The following OPRM1 variants were observed in gnomAD, a reference collection of about 807,000 sequenced individuals.
OPRM1 encodes the protein mu-type opioid receptor.
In OPRM1, 27 loss-of-function variants were observed where a neutral mutation model predicts 31.8. That is an observed-to-expected ratio of 0.85 (90% confidence interval 0.63 to 1.17). OPRM1 has a LOEUF of 1.17. Among genes scored for constraint, OPRM1 ranks in the 50% most tolerant of loss-of-function variants. The pLI, the probability that OPRM1 is intolerant of heterozygous loss-of-function variation, is 0.00. For missense variants in OPRM1, 536 were observed against 511.1 expected, an observed-to-expected ratio of 1.05 and a Z score of -0.47; for synonymous variants, 196 against 189.9, an observed-to-expected ratio of 1.03 and a Z score of -0.26.
chr6:154,192,992 A>G (rs1054363466), intron 3 of OPRM1, among the ~76,000 whole-genome samples: 3 of 152,176 alleles, frequency 2.0e-5, no homozygotes, highest in Non-Finnish European at 4.4e-5. Context: ...CAGAACTACA[A>G]TTTGATCCAG....
At chr6:154,239,266 C>T (rs562362208) in intron 3 of OPRM1, among the ~76,000 whole-genome samples, 1 of 152,286 alleles carries the variant, frequency 6.6e-6, no homozygotes, top group South Asian at 2.1e-4. Context: ...CCCATCCCAA[C>T]TACAGATAAT....
At chr6:154,043,559 TCACA>T (rs1780510534) in intron 1 of OPRM1, among the ~76,000 whole-genome samples, 1 of 151,258 alleles carries the variant, frequency 6.6e-6, no homozygotes, top group African/African-American at 2.4e-5. Flanking sequence ...ATATATAAAT[TCACA>T]CACACACATA....
At chr6:154,100,942 A>T (rs1249983170) in intron 3 of OPRM1, among the ~76,000 whole-genome samples, 1 of 148,592 alleles carries the variant, frequency 6.7e-6, no homozygotes, top group African/African-American at 2.4e-5. Flanking sequence ...TATATATATA[A>T]ATATATATAC....
At chr6:154,201,804 A>G (rs945993952) in intron 3 of OPRM1, among the ~76,000 whole-genome samples, 73 of 152,222 alleles carry the variant, frequency 4.8e-4, no homozygotes, top group African/African-American at 1.6e-3. Context: ...CTGAGGCAGG[A>G]GAATCACTTG....
downstream of OPRM1, among the ~76,000 whole-genome samples, chr6:154,133,598 C>T (rs1048113506): frequency 2.0e-5 from 3 of 152,178 alleles, no homozygotes; most frequent in African/African-American, 4.8e-5. Flanking sequence ...CTTTACCAGT[C>T]TACCCTCCTT....
downstream of OPRM1, among the ~76,000 whole-genome samples, chr6:154,133,985 T>C (rs1196327337): frequency 6.6e-6 from 1 of 152,274 alleles, no homozygotes; most frequent in Non-Finnish European, 1.5e-5. Context: ...GTTTGAAAGC[T>C]GAGCAATGGA....
At position 154,130,176 on chromosome 6, in the gene OPRM1, T is replaced by TC. The variant is rs1797814265; in HGVS notation, c.*11455_*11456insC. ...ATGGAAATGTTTAAATTTTCTTTTT[T>TC]TTTTTTTTTTTTGATGGAGTCTCAC... is the stretch of plus-strand genomic sequence containing the variant. On this transcript the variant is annotated 3_prime_UTR_variant, in exon 4 of 4. Coordinates refer to ENST00000330432, the MANE Select transcript of OPRM1 (RefSeq NM_000914.5). 2.7e-5 allele frequency among the ~76,000 whole-genome samples: 4 copies of TC among 150,674 alleles called. No homozygotes were observed. The highest frequency in any genetic ancestry group is 1.9e-4 in the East Asian group (1 of 5,180).
chr6:154,085,654 T>C (rs1429465152), intron 1 of OPRM1, among the ~76,000 whole-genome samples: 1 of 152,094 alleles, frequency 6.6e-6, no homozygotes, highest in Non-Finnish European at 1.5e-5. Flanking sequence ...TACAAAGCAG[T>C]AGGCATGGAG....
At chr6:154,039,171 A>G (rs572650799), upstream of OPRM1, 13 of 1,551,504 alleles carry the variant, frequency 8.4e-6, no homozygotes, top group African/African-American at 1.8e-4. Context: ...ATGTGTTTGC[A>G]CAGAAGAGTG....
At chr6:154,152,347 G>GAAAGAAAGAAAGGAAAGAAAGAAAGAAA in intron 3 of OPRM1, among the ~76,000 whole-genome samples, 1 of 65,196 alleles carries the variant, frequency 1.5e-5, no homozygotes, top group Admixed American at 2.0e-4. Context: ...AAGAAAGAAA[G>GAAAGAAAGAAAGGAAAGAAAGAAAGAAA]GAAAGAAAGA....
intron 3 of OPRM1, chr6:154,223,154 A>T (rs1489945842): frequency 6.2e-7 from 1 of 1,602,610 alleles, no homozygotes; most frequent in South Asian, 1.1e-5. Flanking sequence ...TTTGTGGAAG[A>T]TGAGAGACAA....
At chr6:154,234,576 C>A (rs1583867198) in intron 3 of OPRM1, among the ~76,000 whole-genome samples, 4 of 152,210 alleles carry the variant, frequency 2.6e-5, no homozygotes, top group Admixed American at 2.6e-4. Context: ...TAAAAGTCAA[C>A]CAAGGATATG....
At chr6:154,152,347 G>GAAAAAGAAAGAAA in intron 3 of OPRM1, among the ~76,000 whole-genome samples, 1 of 65,132 alleles carries the variant, frequency 1.5e-5, no homozygotes, top group South Asian at 6.4e-4. Flanking sequence ...AAGAAAGAAA[G>GAAAAAGAAAGAAA]GAAAGAAAGA....
intron 1 of OPRM1, chr6:154,086,659 A>G: frequency 1.0e-6 from 1 of 985,036 alleles, no homozygotes; most frequent in Non-Finnish European, 1.2e-6. Context: ...TAGTGCTAAA[A>G]TAAGCCTGAA....
chr6:154,128,454 CAGTGAAG>C lies in OPRM1; in HGVS notation c.*9734_*9740del, dbSNP rs1797710112. Among the ~76,000 whole-genome samples, 2 of 152,136 alleles carry C rather than the reference CAGTGAAG, an allele frequency of 1.3e-5. 1 individual carries two copies. The highest frequency in any genetic ancestry group is 4.1e-4 in the South Asian group (2 of 4,826). On this transcript the variant is annotated 3_prime_UTR_variant, in exon 4 of 4. Coordinates refer to ENST00000330432, the MANE Select transcript of OPRM1 (RefSeq NM_000914.5). ...AGCAATGTTCACCATAGCAAAATTCCAGTGAAGTCTAAGAACTGGGACAGTCCGTTGA... is the reference window on the plus strand; with the variant it reads ...AGCAATGTTCACCATAGCAAAATTCCTCTAAGAACTGGGACAGTCCGTTGA...
At chr6:154,246,713 G>T in exon 4 of OPRM1, 1 of 1,613,958 alleles carries the variant, frequency 6.2e-7, no homozygotes, top group Non-Finnish European at 8.5e-7. Context: ...CAGTCAGCAT[G>T]GCCCAGATCT....
At chr6:154,182,968 T>C (rs1358957699) in intron 3 of OPRM1, among the ~76,000 whole-genome samples, 3 of 150,950 alleles carry the variant, frequency 2.0e-5, no homozygotes, top group Non-Finnish European at 3.0e-5. Flanking sequence ...AACAAATAAA[T>C]GCCCTTATCT....
intron 3 of OPRM1, among the ~76,000 whole-genome samples, chr6:154,209,037 T>G (rs1276560122): frequency 6.6e-6 from 1 of 152,224 alleles, no homozygotes; most frequent in Admixed American, 6.5e-5. Flanking sequence ...CCTGACATGT[T>G]CTTTATTATC....
chr6:154,134,145 T>C (rs1017979882), downstream of OPRM1, among the ~76,000 whole-genome samples: 3 of 152,234 alleles, frequency 2.0e-5, no homozygotes, highest in African/African-American at 7.2e-5. Context: ...GAAAGATCAC[T>C]AGGAGGCAAC....
Sources: allele counts gnomAD v4.1 joint callset (sites outside exome capture counted in the v4.1 genomes callset), GRCh38; gene constraint gnomAD v4.1.1; transcripts MANE v1.5; gene names NCBI Gene and HGNC (gene_info 2026-07-23, HGNC 2026-07-21).